Variants in EHBP1 observed in about 807,000 individuals in gnomAD.
EHBP1 encodes the protein EH domain-binding protein 1.
EHBP1 carries 55 observed loss-of-function variants against 144.0 expected under a neutral mutation model. The ratio of observed to expected loss-of-function variants is 0.38; its 90% confidence interval spans 0.31 to 0.48. The LOEUF is 0.48. Ranked by LOEUF, EHBP1 falls within the 20% of genes least tolerant of loss-of-function variation. The pLI, the probability that EHBP1 is intolerant of heterozygous loss-of-function variation, is 0.98. For missense variants in EHBP1, 1,200 were observed against 1,364.2 expected, an observed-to-expected ratio of 0.88 and a Z score of 1.90; for synonymous variants, 469 against 472.7, an observed-to-expected ratio of 0.99 and a Z score of 0.10.
intron 19 of EHBP1, among the ~76,000 whole-genome samples, chr2:63,013,373 A>G (rs2060349354): frequency 6.6e-6 from 1 of 152,194 alleles, no homozygotes; most frequent in African/African-American, 2.4e-5. Flanking sequence ...ATGCATTAAG[A>G]TTCACACACA....
At chr2:62,814,974 A>T (rs2045330408) in intron 5 of EHBP1, among the ~76,000 whole-genome samples, 1 of 152,228 alleles carries the variant, frequency 6.6e-6, no homozygotes, top group South Asian at 2.1e-4. Flanking sequence ...TACAATATGA[A>T]AAAAATCTTT....
intron 1 of EHBP1, among the ~76,000 whole-genome samples, chr2:62,694,289 A>G (rs1284022790): frequency 7.9e-5 from 12 of 152,208 alleles, no homozygotes; most frequent in Admixed American, 7.9e-4. Flanking sequence ...TGCTTTTTAA[A>G]TTGATCTATA....
chr2:62,875,372 T>A (rs1306560711), intron 10 of EHBP1, among the ~76,000 whole-genome samples: 1 of 152,148 alleles, frequency 6.6e-6, no homozygotes, highest in Non-Finnish European at 1.5e-5. Context: ...AGCCCACGAG[T>A]GCTGAGAGAG....
chr2:62,807,778 A>G (rs1274554935), intron 5 of EHBP1, among the ~76,000 whole-genome samples: 2 of 152,210 alleles, frequency 1.3e-5, no homozygotes, highest in African/African-American at 4.8e-5. Flanking sequence ...ATAAGTTCAC[A>G]GGGTACAGAA....
chr2:62,977,602 A>T (rs1034426395), intron 14 of EHBP1, among the ~76,000 whole-genome samples: 1 of 151,960 alleles, frequency 6.6e-6, no homozygotes, highest in Non-Finnish European at 1.5e-5. Flanking sequence ...CTCTTTCTCT[A>T]TATAAGTTTT....
At position 62,996,698 on chromosome 2, in the gene EHBP1, A is replaced by G. The variant is rs1212205031; in HGVS notation, c.3035A>G (p.Asn1012Ser). 1.2e-6 allele frequency: 2 copies of G among 1,613,382 alleles called. No homozygotes were observed. The highest frequency in any genetic ancestry group is 2.7e-5 in the African/African-American group (2 of 74,874). ...GTAGGAGAATTGGCAGCACTAGAGA[A>G]TGAGCAAAAGCAAATTGACACCCGT... ...YVVGELAALE[N>S]EQKQIDTRAA... The change falls in exon 19 of 23, where the codon AAT (asparagine) becomes AGT (serine). Residue 1012 changes from asparagine to serine, a missense_variant. Asn to Ser is a conservative substitution (Grantham distance 46). Coordinates refer to ENST00000431489, the MANE Select transcript of EHBP1 (RefSeq NM_001142616.3).
chr2:62,935,244 C>T (rs946681794), intron 10 of EHBP1, among the ~76,000 whole-genome samples: 6 of 149,928 alleles, frequency 4.0e-5, no homozygotes, highest in African/African-American at 9.8e-5. Flanking sequence ...CAGGAGAATC[C>T]GGTGAACCCG....
chr2:62,692,978 A>G (rs1297551872), intron 1 of EHBP1, among the ~76,000 whole-genome samples: 1 of 151,952 alleles, frequency 6.6e-6, no homozygotes, highest in Non-Finnish European at 1.5e-5. Flanking sequence ...CTATATTTTT[A>G]TACCCATTAA....
intron 7 of EHBP1, among the ~76,000 whole-genome samples, chr2:62,835,395 G>C (rs923226962): frequency 4.6e-5 from 7 of 151,900 alleles, no homozygotes; most frequent in Non-Finnish European, 1.0e-4. Context: ...TTTCATTTTA[G>C]GCTGGTATTC....
chr2:62,909,741 T>C (rs1425600951), intron 10 of EHBP1, among the ~76,000 whole-genome samples: 1 of 152,074 alleles, frequency 6.6e-6, no homozygotes, highest in African/African-American at 2.4e-5. Flanking sequence ...ATGTTTTTCA[T>C]TTTTTTATTT....
chr2:62,889,521 T>C (rs1442375712), intron 10 of EHBP1, among the ~76,000 whole-genome samples: 18 of 152,204 alleles, frequency 1.2e-4, no homozygotes, highest in Non-Finnish European at 2.1e-4. Flanking sequence ...CCAGGGCTTT[T>C]GTAGTTTTGG....
chr2:62,708,547 T>G (rs1297378919), intron 2 of EHBP1, among the ~76,000 whole-genome samples: 1 of 152,222 alleles, frequency 6.6e-6, no homozygotes, highest in Non-Finnish European at 1.5e-5. Context: ...AAGGTCATAA[T>G]GGTGCCACTT....
At chr2:62,883,491 C>T (rs2051648479) in intron 10 of EHBP1, among the ~76,000 whole-genome samples, 1 of 152,126 alleles carries the variant, frequency 6.6e-6, no homozygotes, top group Non-Finnish European at 1.5e-5. Context: ...TAACCTTTTG[C>T]TGATCTGGAA....
intron 19 of EHBP1, among the ~76,000 whole-genome samples, chr2:63,031,211 A>G (rs1452507981): frequency 6.6e-6 from 1 of 152,196 alleles, no homozygotes; most frequent in African/African-American, 2.4e-5. Context: ...TGACTGTGAG[A>G]AGGCTATAGG....
intron 14 of EHBP1, among the ~76,000 whole-genome samples, chr2:62,976,038 T>C (rs751691609): frequency 3.3e-5 from 5 of 152,156 alleles, no homozygotes; most frequent in Non-Finnish European, 7.4e-5. Flanking sequence ...AATTACTACT[T>C]TTTAGGAGTT....
At chr2:62,681,342 A>G (rs865968988) in intron 1 of EHBP1, among the ~76,000 whole-genome samples, 29 of 96,950 alleles carry the variant, frequency 3.0e-4, no homozygotes, top group South Asian at 1.4e-3. Context: ...GTGTGTGTGT[A>G]TATATATATA....
intron 2 of EHBP1, among the ~76,000 whole-genome samples, chr2:62,737,771 G>T (rs2038293291): frequency 1.3e-5 from 2 of 151,060 alleles, no homozygotes; most frequent in South Asian, 4.2e-4. Flanking sequence ...AAAAAAAAGA[G>T]TTTTTTTTTA....
chr2:62,743,768 G>A (rs964434685), intron 2 of EHBP1, among the ~76,000 whole-genome samples: 5 of 152,090 alleles, frequency 3.3e-5, no homozygotes, highest in African/African-American at 1.2e-4. Flanking sequence ...AGGAGGGCAT[G>A]CCTTAGTTGC....
chr2:62,975,599 A>G (rs1450088416), intron 14 of EHBP1, among the ~76,000 whole-genome samples: 1 of 152,102 alleles, frequency 6.6e-6, no homozygotes, highest in Non-Finnish European at 1.5e-5. Context: ...TTATTAAATG[A>G]TATTTTATAA....
Sources: allele counts gnomAD v4.1 joint callset (sites outside exome capture counted in the v4.1 genomes callset), GRCh38; gene constraint gnomAD v4.1.1; transcripts MANE v1.5; gene names NCBI Gene and HGNC (gene_info 2026-07-23, HGNC 2026-07-21).